The following ULK4 variants were observed in gnomAD, a reference collection of about 807,000 sequenced individuals.
ULK4 encodes the protein unc-51 like kinase 4.
ULK4 carries 133 observed loss-of-function variants against 160.6 expected under a neutral mutation model. That is an observed-to-expected ratio of 0.83 (90% CI 0.72 to 0.96). ULK4 has a LOEUF of 0.96. Among genes scored for constraint, ULK4 ranks in the 40% least tolerant of loss-of-function variants. The pLI, the probability that ULK4 is intolerant of heterozygous loss-of-function variation, is 0.00. For synonymous variants in ULK4, 534 were observed against 539.8 expected (o/e 0.99, Z 0.15); for missense variants, 1,580 against 1,499.5 (o/e 1.05, Z -0.89).
At chr3:41,843,830 C>T (rs559846528) in intron 17 of ULK4, among the ~76,000 whole-genome samples, 1 of 152,184 alleles carries the variant, frequency 6.6e-6, no homozygotes, top group Non-Finnish European at 1.5e-5. Flanking sequence ...ATTGGTAGAG[C>T]CGAGTGGTCT....
At chr3:41,352,311 C>T (rs1387920311) in intron 35 of ULK4, among the ~76,000 whole-genome samples, 2 of 152,216 alleles carry the variant, frequency 1.3e-5, no homozygotes, top group African/African-American at 4.8e-5. Flanking sequence ...CATACACCTA[C>T]ACTGTCCTTG....
At chr3:41,282,478 G>C (rs1046019125) in intron 35 of ULK4, among the ~76,000 whole-genome samples, 3 of 151,930 alleles carry the variant, frequency 2.0e-5, no homozygotes, top group Non-Finnish European at 2.9e-5. Flanking sequence ...CAGAACAGAG[G>C]CCTCAGAAAT....
At chr3:41,861,273 A>G (rs1300838078) in intron 17 of ULK4, among the ~76,000 whole-genome samples, 1 of 152,150 alleles carries the variant, frequency 6.6e-6, no homozygotes, top group Non-Finnish European at 1.5e-5. Flanking sequence ...ATTTCTCATT[A>G]CTGTCCTTTT....
intron 17 of ULK4, among the ~76,000 whole-genome samples, chr3:41,862,794 C>A (rs994148501): frequency 3.1e-4 from 46 of 150,590 alleles, no homozygotes; most frequent in Non-Finnish European, 5.3e-4. Context: ...TCCGCTCCCC[C>A]CCCCCTTTCT....
At chr3:41,313,457 T>A (rs2080088520) in intron 35 of ULK4, among the ~76,000 whole-genome samples, 1 of 152,236 alleles carries the variant, frequency 6.6e-6, no homozygotes, top group Non-Finnish European at 1.5e-5. Flanking sequence ...ACTATTAACA[T>A]TCTTAAAGAA....
chr3:41,318,250 A>AT (rs900385612), intron 35 of ULK4, among the ~76,000 whole-genome samples: 25 of 151,820 alleles, frequency 1.6e-4, no homozygotes, highest in African/African-American at 4.8e-4. Flanking sequence ...AGTTAAGAAG[A>AT]TTTTTTTTTA....
intron 32 of ULK4, among the ~76,000 whole-genome samples, chr3:41,507,230 C>A (rs1244695193): frequency 6.8e-6 from 1 of 147,420 alleles, no homozygotes; most frequent in African/African-American, 2.5e-5. Context: ...CCAGCTTCCT[C>A]AGTCACATTA....
chr3:41,347,840 A>G (rs911762384), intron 35 of ULK4, among the ~76,000 whole-genome samples: 4 of 152,128 alleles, frequency 2.6e-5, no homozygotes, highest in Non-Finnish European at 5.9e-5. Flanking sequence ...AAGCATCAGT[A>G]CCTGTTACTT....
chr3:41,348,842 C>T (rs2080855572), intron 35 of ULK4, among the ~76,000 whole-genome samples: 1 of 152,092 alleles, frequency 6.6e-6, no homozygotes, highest in Non-Finnish European at 1.5e-5. Flanking sequence ...TTGGCTGCAC[C>T]TCGCCAGAGT....
chr3:41,683,917 G>C (rs374075852), intron 27 of ULK4, among the ~76,000 whole-genome samples: 37 of 152,132 alleles, frequency 2.4e-4, no homozygotes, highest in African/African-American at 8.7e-4. Context: ...CAAGCCTACA[G>C]ACCCTGGGTG....
chr3:41,759,156 T>A (rs1483820432), intron 21 of ULK4, among the ~76,000 whole-genome samples: 2 of 152,144 alleles, frequency 1.3e-5, no homozygotes, highest in African/African-American at 4.8e-5. Flanking sequence ...CACCCATGAT[T>A]CAGTATTTTA....
intron 8 of ULK4, among the ~76,000 whole-genome samples, chr3:41,915,089 T>C (rs151286270): frequency 4.6e-5 from 7 of 152,256 alleles, no homozygotes; most frequent in African/African-American, 9.6e-5. Flanking sequence ...AAAAATTATA[T>C]AGCATACAGT....
Position 41,662,330 on chromosome 3 carries a change from G to T in ULK4, c.3071+1277C>A, listed in dbSNP as rs2035205370. On this transcript the variant is annotated intron_variant, in intron 30 of 36. Transcript: ENST00000301831. ...GCAACATGGCTCAGAATAGATGGTA[G>T]TATTTGCATGGCATCCTTTGGAAAT... 1.3e-5 allele frequency among the ~76,000 whole-genome samples: 2 copies of T among 152,174 alleles called. 1 individual carries two copies. The highest frequency in any genetic ancestry group is 1.3e-4 in the Admixed American group (2 of 15,278).
intron 35 of ULK4, among the ~76,000 whole-genome samples, chr3:41,267,261 A>G (rs11712479): frequency 0.36 from 54,648 of 151,802 alleles, 9,952 homozygotes; most frequent in South Asian, 0.47. Context: ...AGAACATGCA[A>G]TATTTGGTCT....
intron 5 of ULK4, among the ~76,000 whole-genome samples, chr3:41,922,916 A>C (rs902212844): frequency 2.0e-5 from 3 of 152,172 alleles, no homozygotes; most frequent in African/African-American, 7.2e-5. Context: ...TCACACTTGT[A>C]ATGCCAGCAC....
rs537970747 is a variant in ULK4 at position 41,395,541 on chromosome 3, T to C, written c.3678+2538A>G. 7.9e-5 allele frequency among the ~76,000 whole-genome samples: 12 copies of C among 152,264 alleles called. No homozygotes were observed. The South Asian group carries it at 2.3e-3, about 29-fold the overall frequency. On this transcript the variant is annotated intron_variant, in intron 35 of 36. Transcript: ENST00000301831. ...CAGACATAAAAGGACAAATATTGTA[T>C]AATTCCACTCGTACGAGGTACCTAG...
intron 27 of ULK4, among the ~76,000 whole-genome samples, chr3:41,689,204 T>C (rs1376912897): frequency 2.0e-5 from 3 of 152,202 alleles, no homozygotes; most frequent in Non-Finnish European, 2.9e-5. Context: ...GGCCAACTTC[T>C]TTGCCATAGC....
In ULK4 at chr3:41,620,465, C is replaced by T. The variant is rs528165448; in HGVS notation, c.3072-4748G>A. On this transcript the variant is annotated intron_variant, in intron 30 of 36. Transcript: ENST00000301831. Reference sequence around the variant, plus strand: ...TGGGATGCAAGGCTGGTTCAACATACGCAAATCAATAAATGTAATCCATCA... The same window carrying T: ...TGGGATGCAAGGCTGGTTCAACATATGCAAATCAATAAATGTAATCCATCA... Among the ~76,000 whole-genome samples the T allele has an allele frequency of 1.6e-4, 24 of 152,228 alleles. 1 individual carries two copies. The highest frequency in any genetic ancestry group is 1.2e-3 in the East Asian group (6 of 5,180).
intron 35 of ULK4, among the ~76,000 whole-genome samples, chr3:41,378,994 G>C (rs954618985): frequency 5.3e-5 from 8 of 151,922 alleles, no homozygotes; most frequent in Non-Finnish European, 8.8e-5. Flanking sequence ...TCATTAGTGG[G>C]AGCTGAACAA....
Sources: allele counts gnomAD v4.1 joint callset (sites outside exome capture counted in the v4.1 genomes callset), GRCh38; gene constraint gnomAD v4.1.1; transcripts MANE v1.5; gene names NCBI Gene and HGNC (gene_info 2026-07-23, HGNC 2026-07-21).